Variants in CLTCL1 observed in about 807,000 individuals in gnomAD.
CLTCL1 encodes clathrin heavy chain 2.
CLTCL1 carries 159 observed loss-of-function variants against 190.0 expected under a neutral mutation model. The observed-to-expected ratio is 0.84, with a 90% CI of 0.74 to 0.95. The LOEUF is 0.95. Among genes scored for constraint, CLTCL1 ranks in the 40% least tolerant of loss-of-function variants. CLTCL1 has a pLI of 0.00. For missense variants in CLTCL1, 1,878 were observed against 2,033.4 expected, an observed-to-expected ratio of 0.92 and a Z score of 1.47; for synonymous variants, 752 against 769.6, an observed-to-expected ratio of 0.98 and a Z score of 0.38.
At chr22:19,287,310 A>C (rs1437956639) in intron 1 of CLTCL1, among the ~76,000 whole-genome samples, 1 of 152,158 alleles carries the variant, frequency 6.6e-6, no homozygotes, top group African/African-American at 2.4e-5. Context: ...CAGAGGAAGA[A>C]CTCCTAACTG....
chr22:19,242,668 T>C, intron 4 of CLTCL1, 107 bp downstream of exon 4: 3 of 1,234,568 alleles, frequency 2.4e-6, no homozygotes, highest in African/African-American at 1.5e-5. Flanking sequence ...ACCATGAACC[T>C]TTCCTCACAC....
chr22:19,290,934 G>A (rs1467220585), intron 1 of CLTCL1, among the ~76,000 whole-genome samples: 7 of 152,194 alleles, frequency 4.6e-5, no homozygotes, highest in African/African-American at 1.7e-4. Flanking sequence ...CAGGGTAAAC[G>A]TGGGGACCAG....
chr22:19,198,181 C>G lies in CLTCL1; in HGVS notation c.3874-1525G>C, dbSNP rs1306977952. On this transcript the variant is annotated intron_variant, in intron 24 of 32. Transcript: ENST00000427926. The surrounding 1 kb of genome is among the most constrained non-coding windows in gnomAD (Gnocchi z 4.1). ...CAAAACCAAATGGAGTTATCCTGGG[C>G]TTTTCTCTCTCACTCCACATCAGTG... Among the ~76,000 whole-genome samples, 1 of 152,202 alleles carries G rather than the reference C, an allele frequency of 6.6e-6. No homozygotes were observed. The highest frequency in any genetic ancestry group is 1.5e-5 in the Non-Finnish European group (1 of 68,042).
chr22:19,240,298 T>C (rs537173653), intron 4 of CLTCL1, among the ~76,000 whole-genome samples: 4 of 151,964 alleles, frequency 2.6e-5, no homozygotes, highest in Non-Finnish European at 5.9e-5. Context: ...ATATTATAAC[T>C]AACACAAGTC....
At chr22:19,248,518 C>T (rs1555968813) in intron 3 of CLTCL1, among the ~76,000 whole-genome samples, 1 of 152,112 alleles carries the variant, frequency 6.6e-6, no homozygotes, top group African/African-American at 2.4e-5. Context: ...ACACTTTCAT[C>T]CTTTGAAAGA....
chr22:19,180,413 C>T (rs574112108), intron 31 of CLTCL1, among the ~76,000 whole-genome samples, 175 bp from the exon 32 acceptor site: 1 of 152,324 alleles, frequency 6.6e-6, no homozygotes, highest in African/African-American at 2.4e-5. Context: ...TGGGCAGGTT[C>T]TCAGGTGCAA....
At chr22:19,186,579 T>C (rs1192545685) in intron 29 of CLTCL1, among the ~76,000 whole-genome samples, 1 of 149,824 alleles carries the variant, frequency 6.7e-6, no homozygotes, top group Non-Finnish European at 1.5e-5. Context: ...AACAAATGTT[T>C]TGAATGTGAT....
At position 19,179,967 on chromosome 22, in the gene CLTCL1, G is replaced by T; in HGVS notation, c.*23C>A. 1.8e-6 allele frequency: 1 copy of T among 568,746 alleles called. No individual in the cohort carries two copies. The highest frequency in any genetic ancestry group is 3.1e-6 in the Non-Finnish European group (1 of 319,018). The allele number at this position is 568,746 out of a possible 1,614,324, so 35.2% of individuals were successfully genotyped here. On this transcript the variant is annotated splice_region_variant and 3_prime_UTR_variant, in exon 33 of 33. Coordinates refer to ENST00000427926, the MANE Select transcript of CLTCL1 (RefSeq NM_007098.4). Reference sequence around the variant, plus strand: ...CTGGCAGGGGCTGGGCCCACGGCAGGGCCTGCAGAGGGGGAAGCCCACAAT... The same window carrying T: ...CTGGCAGGGGCTGGGCCCACGGCAGTGCCTGCAGAGGGGGAAGCCCACAAT...
chr22:19,209,025 T>C lies in CLTCL1; in HGVS notation c.3339A>G (p.Gln1113=). Residue 1113 remains glutamine (Q), a synonymous_variant, in exon 21 of 33, where the codon CAA becomes CAG. Coordinates refer to ENST00000427926, the MANE Select transcript of CLTCL1 (RefSeq NM_007098.4). The part of the protein sequence containing the change: ...NEPAVWSQLA[Q]AQLQKDLVKE... ...TCACCAAATCTTTCTGGAGCTGGGCTTGGGCCAGCTGACTCCACACAGCAG... is the reference window on the plus strand; with the variant it reads ...TCACCAAATCTTTCTGGAGCTGGGCCTGGGCCAGCTGACTCCACACAGCAG... 6.2e-7 allele frequency: 1 copy of C among 1,611,144 alleles called. No individual in the cohort carries two copies. The highest frequency in any genetic ancestry group is 8.5e-7 in the Non-Finnish European group (1 of 1,178,688).
At chr22:19,194,530 A>T (rs899745915) in intron 26 of CLTCL1, among the ~76,000 whole-genome samples, 1 of 152,196 alleles carries the variant, frequency 6.6e-6, no homozygotes, top group Non-Finnish European at 1.5e-5. Flanking sequence ...TGAAGCTGAG[A>T]TTCCGCCACA....
Position 19,187,716 on chromosome 22 carries a change from A to C in CLTCL1, c.4447T>G (p.Ser1483Ala). 6.2e-7 allele frequency: 1 copy of C among 1,613,766 alleles called. No homozygotes were observed. Among genetic ancestry groups the C allele is most frequent in the Non-Finnish European group, 8.5e-7 (1 of 1,179,832 alleles). The change falls in exon 29 of 33, where the codon TCT (serine) becomes GCT (alanine). Residue 1483 changes from serine (S) to alanine (A), a missense_variant. Ser to Ala is a moderately conservative substitution (Grantham distance 99, BLOSUM62 1). Transcript: ENST00000427926. ...EEEDYQGLRA[S>A]IDAYDNFDNI... The stretch of plus-strand genomic sequence containing the variant: ...TCAAAGTTGTCATAGGCATCGATAG[A>C]TGCCCTTAAGCCCTAGGAAGACAGC...
At chr22:19,203,185 G>A (rs2084950353) in intron 22 of CLTCL1, among the ~76,000 whole-genome samples, 1 of 152,108 alleles carries the variant, frequency 6.6e-6, no homozygotes, top group Non-Finnish European at 1.5e-5. Flanking sequence ...CGTGGTGGCG[G>A]GCGCCTGTAA....
At chr22:19,276,739 G>A (rs940269082) in intron 1 of CLTCL1, among the ~76,000 whole-genome samples, 10 of 152,080 alleles carry the variant, frequency 6.6e-5, no homozygotes, top group Non-Finnish European at 7.4e-5. Flanking sequence ...GTGCGATCTC[G>A]GCTCACTGCA....
intron 22 of CLTCL1, among the ~76,000 whole-genome samples, chr22:19,203,336 T>G (rs1187851220): frequency 6.6e-6 from 1 of 152,054 alleles, no homozygotes; most frequent in Admixed American, 6.6e-5. Flanking sequence ...AAAATAAAAC[T>G]AATCCAACTT....
chr22:19,196,633 C>G lies in CLTCL1; in HGVS notation c.3897G>C (p.Leu1299=), dbSNP rs1417459816. ...YYQDRGYFEE[L]ILLLEAALGL... is the part of the protein sequence containing the mutation. ...CCAGGGCCGCTTCCAACAGCAAGATCAGCTCCTCAAAGTAGCCACGATCCT... is the reference window on the plus strand; with the variant it reads ...CCAGGGCCGCTTCCAACAGCAAGATGAGCTCCTCAAAGTAGCCACGATCCT... Residue 1299 remains leucine (L), a synonymous_variant, in exon 25 of 33, where the codon CTG becomes CTC. Transcript: ENST00000427926. 6.2e-7 allele frequency: 1 copy of G among 1,613,276 alleles called. No homozygotes were observed. Among genetic ancestry groups the G allele is most frequent in the Non-Finnish European group, 8.5e-7 (1 of 1,179,702 alleles).
chr22:19,193,845 A>T (rs1264838615), intron 26 of CLTCL1, among the ~76,000 whole-genome samples: 1 of 152,176 alleles, frequency 6.6e-6, no homozygotes, highest in Non-Finnish European at 1.5e-5. Flanking sequence ...GAAGCTCCAG[A>T]CCTTCGCAGT....
At chr22:19,225,039 C>T (rs576910183) in intron 13 of CLTCL1, among the ~76,000 whole-genome samples, 71 of 152,166 alleles carry the variant, frequency 4.7e-4, no homozygotes, top group South Asian at 1.2e-3. Context: ...TAGCAGACAC[C>T]ACAAAGCAAT....
At chr22:19,199,252 C>T (rs972870414) in intron 24 of CLTCL1, among the ~76,000 whole-genome samples, 14 of 152,190 alleles carry the variant, frequency 9.2e-5, no homozygotes, top group African/African-American at 3.4e-4. Flanking sequence ...GAGAGCCTAC[C>T]TACAGCATGA....
intron 18 of CLTCL1, 126 bp downstream of exon 18, chr22:19,219,759 T>G (rs2085508365): frequency 2.2e-6 from 3 of 1,387,166 alleles, no homozygotes; most frequent in African/African-American, 2.9e-5. Context: ...TTGCTGGCAT[T>G]ACAGGCGTGA....
Sources: gnomAD v4.1 joint callset for allele counts (sites outside exome capture counted in the v4.1 genomes callset) on GRCh38, gnomAD v4.1.1 for gene constraint, Gnocchi (gnomAD v3.1) non-coding constraint, MANE v1.5 for transcripts, NCBI Gene and HGNC (gene_info 2026-07-23, HGNC 2026-07-21) for gene names.